COL13A1: variants seen among roughly 807,000 people sequenced by gnomAD.
COL13A1 encodes collagen type XIII alpha 1 chain, also known as collagen alpha-1(XIII) chain.
Under a neutral mutation model 130.9 loss-of-function variants are expected in COL13A1, and 89 were observed. The observed-to-expected ratio is 0.68, with a 90% CI of 0.57 to 0.81. The LOEUF (loss-of-function observed/expected upper bound fraction) is 0.81. Ranked by LOEUF, COL13A1 falls within the 30% of genes least tolerant of loss-of-function variation. The pLI is 0.00. For missense variants in COL13A1, 879 were observed against 934.6 expected, an observed-to-expected ratio of 0.94 and a Z score of 0.78; for synonymous variants, 402 against 341.6, an observed-to-expected ratio of 1.18 and a Z score of -1.95.
At chr10:69,927,458 T>A (rs1002070364) in intron 27 of COL13A1, among the ~76,000 whole-genome samples, 1 of 152,210 alleles carries the variant, frequency 6.6e-6, no homozygotes, top group South Asian at 2.1e-4. Context: ...ATGTTTCTCT[T>A]TTTTCCCAAC....
chr10:69,818,546 GA>G (rs1845209988), intron 1 of COL13A1, among the ~76,000 whole-genome samples: 4 of 152,212 alleles, frequency 2.6e-5, no homozygotes, highest in Admixed American at 2.6e-4. Flanking sequence ...TGTGATTATG[GA>G]GATGAGAAGT....
intron 5 of COL13A1, among the ~76,000 whole-genome samples, 163 bp from the exon 6 acceptor site, chr10:69,877,876 C>T (rs927135761): frequency 6.6e-6 from 1 of 152,140 alleles, no homozygotes; most frequent in Non-Finnish European, 1.5e-5. Context: ...TGCCATGTGT[C>T]GACATCTGTG....
At chr10:69,868,119 C>CAAAAAAAA (rs55856106) in intron 3 of COL13A1, among the ~76,000 whole-genome samples, 1 of 126,974 alleles carries the variant, frequency 7.9e-6, no homozygotes, top group Non-Finnish European at 1.7e-5. Flanking sequence ...CTATTGGAGT[C>CAAAAAAAA]AAAAAAAAAA....
At chr10:69,934,471 G>C (rs375608660) in intron 31 of COL13A1, among the ~76,000 whole-genome samples, 24 of 152,338 alleles carry the variant, frequency 1.6e-4, no homozygotes, top group South Asian at 1.2e-3. Context: ...GGTGCCCTCT[G>C]TCGTGGCCTG....
chr10:69,946,984 T>G (rs12360410), intron 37 of COL13A1, among the ~76,000 whole-genome samples: 5,130 of 152,184 alleles, frequency 0.034, 122 homozygotes, highest in South Asian at 0.11. Flanking sequence ...GAGACGGGCT[T>G]TCACCTCGTT....
At position 69,817,642 on chromosome 10, in the gene COL13A1, A is replaced by G. The variant is rs539007110; in HGVS notation, c.295-4727A>G. Among the ~76,000 whole-genome samples, 131 of 152,158 alleles carry G rather than the reference A, an allele frequency of 8.6e-4. 1 individual carries two copies. The highest frequency in any genetic ancestry group is 3.0e-3 in the African/African-American group (124 of 41,514). ...GTAGGAGGAGACGTTGGATCTAGCC[A>G]GGCTCGTGGCTTAGTGAACAGGGCG... On this transcript the variant is annotated intron_variant, in intron 1 of 40. Transcript: ENST00000645393.
At chr10:69,930,341 C>G in intron 29 of COL13A1, 59 bp from the exon 30 acceptor site, 16 of 1,485,532 alleles carry the variant, frequency 1.1e-5, no homozygotes, top group Non-Finnish European at 1.5e-5. Flanking sequence ...TACTCTCTCT[C>G]CCTCTCTCCT....
At chr10:69,938,467 C>T (rs3829179) in intron 34 of COL13A1, among the ~76,000 whole-genome samples, 58,648 of 151,922 alleles carry the variant, frequency 0.39, 11,494 homozygotes, top group South Asian at 0.47. Context: ...GCGATCCATC[C>T]CATCATTTCA....
chr10:69,858,917 C>A (rs1288719830), intron 2 of COL13A1, among the ~76,000 whole-genome samples: 2 of 152,220 alleles, frequency 1.3e-5, no homozygotes, highest in Non-Finnish European at 2.9e-5. Flanking sequence ...TACTTAACTT[C>A]TCTGCACAGC....
intron 35 of COL13A1, among the ~76,000 whole-genome samples, chr10:69,942,694 G>A (rs1038908728): frequency 6.6e-6 from 1 of 152,192 alleles, no homozygotes; most frequent in African/African-American, 2.4e-5. Flanking sequence ...ATGGAAACCT[G>A]GCACGGTCAA....
At position 69,875,020 on chromosome 10, in the gene COL13A1, A is replaced by G; in HGVS notation, c.400-108A>G. The G allele has an allele frequency of 2.2e-6, 3 of 1,389,838 alleles. No individual in the cohort carries two copies. In the Admixed American group the frequency reaches 5.3e-5, roughly 25 times the overall value. 86.1% of individuals were successfully genotyped at this position (1,389,838 alleles called of 1,614,324 possible). On this transcript the variant is annotated intron_variant, in intron 4 of 40. Transcript: ENST00000645393. ...ATACGGGATGTCGTCCCCGCTGCAA[A>G]CTGGGTTAGCTGTGCCCTAAATCAG...
chr10:69,905,635 A>G (rs1265072242), intron 16 of COL13A1, among the ~76,000 whole-genome samples, 152 bp from the exon 17 acceptor site: 1 of 152,174 alleles, frequency 6.6e-6, no homozygotes, highest in Non-Finnish European at 1.5e-5. Flanking sequence ...GCTAAGAGCT[A>G]TTGCTCCTGG....
At chr10:69,902,968 G>A (rs2062358442) in intron 15 of COL13A1, 113 bp downstream of exon 15, 4 of 762,838 alleles carry the variant, frequency 5.2e-6, no homozygotes, top group Admixed American at 3.2e-5. Context: ...CCTTGGCAGG[G>A]CCATTGGATG....
chr10:69,924,465 C>G (rs1183349740), intron 24 of COL13A1, among the ~76,000 whole-genome samples: 1 of 151,984 alleles, frequency 6.6e-6, no homozygotes, highest in Admixed American at 6.6e-5. Context: ...GCTCATACAC[C>G]CATGTCCTCC....
chr10:69,860,121 C>A (rs1197556008), intron 2 of COL13A1, among the ~76,000 whole-genome samples: 1 of 152,214 alleles, frequency 6.6e-6, no homozygotes, highest in Non-Finnish European at 1.5e-5. Context: ...TGCAGTCTCA[C>A]TCTGGGGTTC....
At chr10:69,924,435 G>T (rs898670424) in intron 24 of COL13A1, among the ~76,000 whole-genome samples, 1 of 151,824 alleles carries the variant, frequency 6.6e-6, no homozygotes, top group Non-Finnish European at 1.5e-5. Flanking sequence ...CCTTCCACCC[G>T]CCCACTCTGG....
chr10:69,873,107 G>A (rs12357568), intron 4 of COL13A1, among the ~76,000 whole-genome samples: 1,954 of 152,268 alleles, frequency 0.013, 14 homozygotes, highest in Non-Finnish European at 0.018. Flanking sequence ...TCAGGGGGCC[G>A]GAATCGGGTA....
chr10:69,897,630 C>T (rs548716014), intron 13 of COL13A1: 47 of 1,346,618 alleles, frequency 3.5e-5, no homozygotes, highest in Middle Eastern at 1.8e-4. Flanking sequence ...GCAGTGGGAG[C>T]GGGTGGAGCT....
Position 69,938,480 on chromosome 10 carries a change from G to A in COL13A1, c.1878+765G>A, listed in dbSNP as rs78226129. Among the ~76,000 whole-genome samples the A allele has an allele frequency of 3.8e-3, 580 of 152,270 alleles. 10 individuals carry two copies. The East Asian group carries it at 0.061, about 16-fold the overall frequency. On this transcript the variant is annotated intron_variant, in intron 34 of 40. Coordinates refer to ENST00000645393, the MANE Select transcript of COL13A1 (RefSeq NM_001368882.1). ...TAGCGATCCATCCCATCATTTCACT[G>A]ATGGTCCCAGAGAAGAAAGTGGGTC...
Sources: allele counts gnomAD v4.1 joint callset (sites outside exome capture counted in the v4.1 genomes callset), GRCh38; gene constraint gnomAD v4.1.1; transcripts MANE v1.5; gene names NCBI Gene and HGNC (gene_info 2026-07-23, HGNC 2026-07-21).